GMDS: variants seen among roughly 807,000 people sequenced by gnomAD.
GMDS encodes the protein GDP-mannose 4,6-dehydratase.
GMDS carries 20 observed loss-of-function variants against 49.9 expected under a neutral mutation model. That is an observed-to-expected ratio of 0.40 (90% confidence interval 0.28 to 0.58). The LOEUF (loss-of-function observed/expected upper bound fraction) is 0.58, where lower values mean the gene tolerates loss of function less well. Among genes scored for constraint, GMDS ranks in the 20% least tolerant of loss-of-function variants. The pLI, the probability that GMDS is intolerant of heterozygous loss-of-function variation, is 0.42. For synonymous variants in GMDS, 177 were observed against 178.6 expected (o/e 0.99, Z 0.07); for missense variants, 362 against 481.4 (o/e 0.75, Z 2.32).
chr6:1,837,168 C>G (rs937721000), intron 7 of GMDS, among the ~76,000 whole-genome samples: 1 of 152,144 alleles, frequency 6.6e-6, no homozygotes, highest in Non-Finnish European at 1.5e-5. Context: ...CCAATTTGGG[C>G]TCACCACATG....
At chr6:1,897,897 C>T (rs1760282510) in intron 7 of GMDS, among the ~76,000 whole-genome samples, 1 of 152,050 alleles carries the variant, frequency 6.6e-6, no homozygotes, top group African/African-American at 2.4e-5. Context: ...CTAATGAGTC[C>T]CACAGGCTGG....
At chr6:2,075,365 C>T (rs1772270900) in intron 4 of GMDS, among the ~76,000 whole-genome samples, 1 of 152,054 alleles carries the variant, frequency 6.6e-6, no homozygotes, top group Non-Finnish European at 1.5e-5. Flanking sequence ...TGGTGTGCTG[C>T]ACCCGTTAAC....
chr6:2,191,898 T>A lies in GMDS; in HGVS notation c.102+53423A>T, dbSNP rs1260677613. Among the ~76,000 whole-genome samples, 1 of 152,110 alleles carries A rather than the reference T, an allele frequency of 6.6e-6. No homozygotes were observed. Among genetic ancestry groups the A allele is most frequent in the African/African-American group, 2.4e-5 (1 of 41,420 alleles). On this transcript the variant is annotated intron_variant, in intron 1 of 10. Transcript: ENST00000380815. The surrounding 1 kb of genome is among the most constrained non-coding windows in gnomAD (Gnocchi z 4.6). ...TGAAGGCTGGGAGCCAGGCCACCAG[T>A]CCCACAGACCACACTGCAGGCTTAT... is the stretch of plus-strand genomic sequence containing the variant.
At chr6:1,989,159 C>T (rs574132668) in intron 4 of GMDS, among the ~76,000 whole-genome samples, 19 of 152,290 alleles carry the variant, frequency 1.2e-4, no homozygotes, top group African/African-American at 4.3e-4. Flanking sequence ...GAAAGTCCTA[C>T]AAGTTACAAT....
At chr6:2,205,352 C>T (rs992349884) in intron 1 of GMDS, among the ~76,000 whole-genome samples, 1 of 152,170 alleles carries the variant, frequency 6.6e-6, no homozygotes, top group Non-Finnish European at 1.5e-5. Context: ...TCCTTAAGTT[C>T]AATCCTGTAG....
At chr6:1,859,237 C>T (rs1200927766) in intron 7 of GMDS, among the ~76,000 whole-genome samples, 1 of 152,158 alleles carries the variant, frequency 6.6e-6, no homozygotes, top group Non-Finnish European at 1.5e-5. Context: ...AACCCTGGTG[C>T]TACTTCGGCG....
At chr6:1,673,432 C>T (rs947236775) in intron 9 of GMDS, among the ~76,000 whole-genome samples, 2 of 151,318 alleles carry the variant, frequency 1.3e-5, no homozygotes, top group African/African-American at 2.4e-5. Context: ...AAAAACTACA[C>T]AGAAAGTACA....
intron 1 of GMDS, among the ~76,000 whole-genome samples, chr6:2,228,270 C>G (rs1421705444): frequency 6.6e-6 from 1 of 152,206 alleles, no homozygotes; most frequent in African/African-American, 2.4e-5. Flanking sequence ...GACTGAAAAG[C>G]CAACACCAAC....
At chr6:2,097,733 C>T (rs1773691029) in intron 4 of GMDS, among the ~76,000 whole-genome samples, 1 of 152,162 alleles carries the variant, frequency 6.6e-6, no homozygotes, top group Non-Finnish European at 1.5e-5. Context: ...AGCCTTTACT[C>T]TAGGCTCCAG....
chr6:1,822,257 A>G (rs973023348), intron 7 of GMDS, among the ~76,000 whole-genome samples: 4 of 152,224 alleles, frequency 2.6e-5, no homozygotes, highest in African/African-American at 9.6e-5. Context: ...CTTAATGTGA[A>G]TGCATTTGGA....
At chr6:1,819,216 G>A (rs767958329) in intron 7 of GMDS, among the ~76,000 whole-genome samples, 3 of 151,896 alleles carry the variant, frequency 2.0e-5, no homozygotes, top group South Asian at 2.1e-4. Context: ...TAAGAAAAGC[G>A]GCATGACTAC....
intron 9 of GMDS, among the ~76,000 whole-genome samples, chr6:1,723,419 C>T (rs1388421347): frequency 3.3e-5 from 5 of 150,560 alleles, no homozygotes; most frequent in African/African-American, 9.8e-5. Flanking sequence ...CTCCGCCTCC[C>T]GGGTTCACGC....
At chr6:1,874,655 T>G (rs1758943137) in intron 7 of GMDS, among the ~76,000 whole-genome samples, 1 of 152,148 alleles carries the variant, frequency 6.6e-6, no homozygotes, top group South Asian at 2.1e-4. Context: ...AGGGGAAGCA[T>G]GACAATATTT....
At chr6:1,877,644 T>TAAAAAAA (rs60037634) in intron 7 of GMDS, among the ~76,000 whole-genome samples, 33 of 90,490 alleles carry the variant, frequency 3.6e-4, no homozygotes, top group Non-Finnish European at 4.6e-4. Flanking sequence ...TCTCAAAAAT[T>TAAAAAAA]AAAAAAAAAA....
chr6:2,191,039 C>T lies in GMDS; in HGVS notation c.102+54282G>A, dbSNP rs377042564. On this transcript the variant is annotated intron_variant, in intron 1 of 10. Transcript: ENST00000380815. The surrounding 1 kb of genome is among the most constrained non-coding windows in gnomAD (Gnocchi z 4.6). ...GGAGGCAGCACTGGGGGACCCAGGG[C>T]GGGAGGGGGAAATGGGAGCAGTGCC... 7.2e-5 allele frequency among the ~76,000 whole-genome samples: 11 copies of T among 152,018 alleles called. No individual in the cohort carries two copies. In the South Asian group the frequency reaches 1.0e-3, roughly 14 times the overall value.
intron 1 of GMDS, among the ~76,000 whole-genome samples, chr6:2,220,985 T>C (rs1171444180): frequency 6.6e-6 from 1 of 152,000 alleles, no homozygotes; most frequent in African/African-American, 2.4e-5. Context: ...ACAACCAGCG[T>C]GGGGAATACA....
At chr6:1,649,036 TA>T (rs1763570714) in intron 9 of GMDS, among the ~76,000 whole-genome samples, 1 of 152,238 alleles carries the variant, frequency 6.6e-6, no homozygotes, top group African/African-American at 2.4e-5. Context: ...CTCTTATTTT[TA>T]AAAAGTGTAA....
At position 1,624,011 on chromosome 6, in the gene GMDS, C is replaced by T. The variant is rs1348523378; in HGVS notation, c.*158G>A. 1.8e-5 allele frequency: 11 copies of T among 619,486 alleles called. No individual in the cohort carries two copies. The highest frequency in any genetic ancestry group is 3.0e-5 in the Admixed American group (1 of 33,652). 38.4% of individuals were successfully genotyped at this position (619,486 alleles called of 1,614,324 possible). A position where few individuals can be genotyped will look rare whatever the true frequency, so the allele number is the denominator to read the frequency against. ...ACATCCCGGCTGCTACAAACCTCGG[C>T]GGGGCGGCCCCGCTCTTGCGGCCGG... On this transcript the variant is annotated 3_prime_UTR_variant, in exon 11 of 11. Coordinates refer to ENST00000380815, the MANE Select transcript of GMDS (RefSeq NM_001500.4).
At chr6:1,693,047 A>C (rs1444596608) in intron 9 of GMDS, among the ~76,000 whole-genome samples, 1 of 152,206 alleles carries the variant, frequency 6.6e-6, no homozygotes, top group Non-Finnish European at 1.5e-5. Flanking sequence ...AAGCAGCGGT[A>C]CTTTTGGCTC....
Sources: gnomAD v4.1 joint callset for allele counts (sites outside exome capture counted in the v4.1 genomes callset) on GRCh38, gnomAD v4.1.1 for gene constraint, Gnocchi (gnomAD v3.1) non-coding constraint, MANE v1.5 for transcripts, NCBI Gene and HGNC (gene_info 2026-07-23, HGNC 2026-07-21) for gene names.